Variants in XRRA1 observed in about 807,000 individuals in gnomAD.
XRRA1 encodes the protein X-ray radiation resistance-associated protein 1.
In XRRA1, 69 loss-of-function variants were observed where a neutral mutation model predicts 80.2. The ratio of observed to expected loss-of-function variants is 0.86; its 90% CI spans 0.71 to 1.05. XRRA1 has a LOEUF of 1.05. Ranked by LOEUF, XRRA1 falls within the 50% of genes least tolerant of loss-of-function variation. The pLI, the probability that XRRA1 is intolerant of heterozygous loss-of-function variation, is 0.00. For synonymous variants in XRRA1, 348 were observed against 389.9 expected (o/e 0.89, Z 1.27); for missense variants, 967 against 976.4 (o/e 0.99, Z 0.13).
chr11:74,908,371 A>T (rs570280301), intron 8 of XRRA1, among the ~76,000 whole-genome samples: 2 of 152,200 alleles, frequency 1.3e-5, no homozygotes, highest in African/African-American at 4.8e-5. Flanking sequence ...CTGCCAAATC[A>T]CACCTTTCAC....
intron 8 of XRRA1, among the ~76,000 whole-genome samples, chr11:74,920,538 G>A (rs1353024531): frequency 6.6e-6 from 1 of 152,176 alleles, no homozygotes; most frequent in Non-Finnish European, 1.5e-5. Flanking sequence ...AAGGAGGAAG[G>A]TCTGAGCTGG....
chr11:74,941,970 C>T (rs1372710056), intron 2 of XRRA1, among the ~76,000 whole-genome samples: 1 of 151,912 alleles, frequency 6.6e-6, no homozygotes, highest in Non-Finnish European at 1.5e-5. Context: ...AAAAATTAGC[C>T]AGCACAGTGG....
At chr11:74,923,234 T>C (rs1166574471) in intron 7 of XRRA1, among the ~76,000 whole-genome samples, 1 of 152,102 alleles carries the variant, frequency 6.6e-6, no homozygotes, top group Admixed American at 6.5e-5. Flanking sequence ...AGGCAGCCTT[T>C]CTTGTTCTGA....
intron 10 of XRRA1, among the ~76,000 whole-genome samples, chr11:74,870,153 T>C (rs1381195043): frequency 6.6e-6 from 1 of 152,202 alleles, no homozygotes; most frequent in Non-Finnish European, 1.5e-5. Context: ...ATGCCACCCA[T>C]CTCAAGACTT....
Position 74,930,310 on chromosome 11 carries a change from C to T in XRRA1, c.414G>A (p.Leu138=), listed in dbSNP as rs753871014. 6.4e-7 allele frequency: 1 copy of T among 1,568,598 alleles called. No homozygotes were observed. The highest frequency in any genetic ancestry group is 2.3e-5 in the East Asian group (1 of 43,054). ...SVIYINASEN[L]LPLEAFHTFP... is the part of the protein sequence containing the mutation. ...AAAGAAAAAGCTTACCTAGAGGCAG[C>T]AGGTTTTCTGAGGCATTGATATAAA... Residue 138 remains leucine (L), a synonymous_variant, in exon 6 of 19, where the codon CTG becomes CTA. Coordinates refer to ENST00000684022, the MANE Select transcript of XRRA1 (RefSeq NM_001378157.1).
At chr11:74,850,841 CATTCTCA>C (rs1434790434) in intron 14 of XRRA1, 1 of 233,254 alleles carries the variant, frequency 4.3e-6, no homozygotes, top group African/African-American at 2.3e-5. Flanking sequence ...GGCCCATAGC[CATTCTCA>C]ATTACTGTAG....
At chr11:74,895,268 A>C (rs1051461094) in intron 10 of XRRA1, among the ~76,000 whole-genome samples, 1 of 152,202 alleles carries the variant, frequency 6.6e-6, no homozygotes, top group Non-Finnish European at 1.5e-5. Context: ...GATGGAGAGC[A>C]CAGCAACCGA....
chr11:74,878,433 AGTT>A (rs1366401993), intron 10 of XRRA1, among the ~76,000 whole-genome samples: 2 of 151,918 alleles, frequency 1.3e-5, no homozygotes, highest in Non-Finnish European at 2.9e-5. Flanking sequence ...CTCTGATGGT[AGTT>A]TCTTTTGCTG....
rs2054809202 is a variant in XRRA1 at position 74,907,232 on chromosome 11, AG to A, written c.697del (p.Leu233Ter). ...CAGTGTCTCCAGCGCTGGGAACCTC[AG>A]GATGTACCTCTTGCTTGTCAGCGAT... is the stretch of plus-strand genomic sequence containing the variant. Reference protein sequence around the residue: ...VTSLTSKRYILRFPALETLML... With the variant: ...VTSLTSKRYIXRFPALETLML... On this transcript the variant is annotated frameshift_variant, in exon 9 of 19. Transcript: ENST00000684022. LOFTEE classifies it high-confidence loss of function. The A allele has an allele frequency of 6.2e-7, 1 of 1,613,864 alleles. No homozygotes were observed.
rs1472481394 is a variant in XRRA1 at position 74,945,018 on chromosome 11, T to G, written c.-5A>C. On this transcript the variant is annotated splice_region_variant and 5_prime_UTR_variant, in exon 2 of 19. Coordinates refer to ENST00000684022, the MANE Select transcript of XRRA1 (RefSeq NM_001378157.1). ...GGCTTCAGGTCTCCAGAGTACTTAC[T>G]TGATCTTTGACTTTGGGAATGGCCC... 2 of 152,682 alleles carry G rather than the reference T, an allele frequency of 1.3e-5. No homozygotes were observed. The highest frequency in any genetic ancestry group is 6.5e-5 in the Admixed American group (1 of 15,288). The allele number at this position is 152,682 out of a possible 1,614,324, so 9.5% of individuals were successfully genotyped here.
chr11:74,876,708 C>T (rs1287992295), intron 10 of XRRA1: 3 of 152,160 alleles, frequency 2.0e-5, no homozygotes, highest in Admixed American at 1.3e-4. Flanking sequence ...AGAGCAACCC[C>T]AGACAGCCCA....
chr11:74,851,256 GCTTA>G (rs1731570181), intron 13 of XRRA1, 53 bp from the exon 14 acceptor site: 41 of 1,365,994 alleles, frequency 3.0e-5, no homozygotes, highest in Non-Finnish European at 4.0e-5. Context: ...TTATACTGGG[GCTTA>G]CTATGTGCCA....
intron 7 of XRRA1, among the ~76,000 whole-genome samples, chr11:74,923,208 G>A (rs888120969): frequency 6.6e-6 from 1 of 152,232 alleles, no homozygotes; most frequent in Non-Finnish European, 1.5e-5. Context: ...GGCATGTATA[G>A]AAGCCAGGAG....
In XRRA1 at chr11:74,851,046, G is replaced by T. The variant is rs529197066; in HGVS notation, c.1380+42C>A. ...TGGTTTGCATACATTATAATAGGCT[G>T]CACTCTTCCTGGGGGTGGGAGTCCT... On this transcript the variant is annotated intron_variant, in intron 14 of 18. Coordinates refer to ENST00000684022, the MANE Select transcript of XRRA1 (RefSeq NM_001378157.1). 6.6e-6 allele frequency: 10 copies of T among 1,521,082 alleles called. No individual in the cohort carries two copies. In the South Asian group the frequency reaches 1.2e-4, roughly 18 times the overall value. 94.2% of individuals were successfully genotyped at this position (1,521,082 alleles called of 1,614,324 possible).
At chr11:74,847,609 G>T (rs2038635481) in intron 15 of XRRA1, among the ~76,000 whole-genome samples, 1 of 152,094 alleles carries the variant, frequency 6.6e-6, no homozygotes, top group South Asian at 2.1e-4. Context: ...AGCCCTCCTG[G>T]GCTGGGGCAG....
intron 5 of XRRA1, among the ~76,000 whole-genome samples, chr11:74,931,292 AT>A (rs1203732895): frequency 6.6e-6 from 1 of 151,736 alleles, no homozygotes; most frequent in East Asian, 1.9e-4. Context: ...TGCTTTTGAA[AT>A]TTACATATGT....
chr11:74,883,743 G>A (rs552219219), intron 10 of XRRA1, among the ~76,000 whole-genome samples: 1 of 152,260 alleles, frequency 6.6e-6, no homozygotes, highest in South Asian at 2.1e-4. Flanking sequence ...GCAGGAAGTA[G>A]CCAGAAAGAG....
intron 10 of XRRA1, among the ~76,000 whole-genome samples, chr11:74,905,571 G>T (rs1181428486): frequency 6.6e-6 from 1 of 152,120 alleles, no homozygotes; most frequent in Non-Finnish European, 1.5e-5. Flanking sequence ...CTAACTGCTT[G>T]TGCTTCCTGT....
chr11:74,844,258 C>G lies in XRRA1; in HGVS notation c.1953G>C (p.Leu651=), dbSNP rs2037377000. Residue 651 remains leucine, a synonymous_variant, in exon 17 of 19, where the codon CTG becomes CTC. Transcript: ENST00000684022. ...PKGIQKNAQA[L]QQMLKHPLLC... is the part of the protein sequence containing the mutation. ...GGAGTGGGTGCTTCAGCATTTGTTG[C>G]AGGGCTTGTGCATTCTTCTGGATTC... 1 of 1,613,346 alleles carries G rather than the reference C, an allele frequency of 6.2e-7. No individual in the cohort carries two copies.
Sources: allele counts gnomAD v4.1 joint callset (sites outside exome capture counted in the v4.1 genomes callset), GRCh38; gene constraint gnomAD v4.1.1; transcripts MANE v1.5; gene names NCBI Gene and HGNC (gene_info 2026-07-23, HGNC 2026-07-21).